GPR107: variants seen among roughly 807,000 people sequenced by gnomAD.
GPR107 encodes the protein protein GPR107.
In GPR107, 31 loss-of-function variants were observed where a neutral mutation model predicts 75.5. That is an observed-to-expected ratio of 0.41 (90% CI 0.31 to 0.55). GPR107 has a LOEUF of 0.55. GPR107 is among the 20% of genes least tolerant of loss of function. GPR107 has a pLI of 0.26. For synonymous variants in GPR107, 267 were observed against 251.3 expected (o/e 1.06, Z -0.59); for missense variants, 572 against 665.7 (o/e 0.86, Z 1.55).
At chr9:130,076,358 A>G (rs975590385) in intron 2 of GPR107, 54 bp from the exon 3 acceptor site, 1 of 1,092,478 alleles carries the variant, frequency 9.2e-7, no homozygotes, top group African/African-American at 1.5e-5. Flanking sequence ...TTGAGTAAGA[A>G]AAGTATGGAC....
intron 1 of GPR107, among the ~76,000 whole-genome samples, chr9:130,067,752 C>CCCCT (rs1554890696): frequency 1.1e-4 from 13 of 116,838 alleles, no homozygotes; most frequent in African/African-American, 4.2e-4. Context: ...CCACCGCCCC[C>CCCCT]TTTTTTTTTT....
intron 17 of GPR107, among the ~76,000 whole-genome samples, chr9:130,132,115 G>A (rs557229799): frequency 6.6e-6 from 1 of 152,206 alleles, no homozygotes; most frequent in South Asian, 2.1e-4. Flanking sequence ...AAATTGCTGG[G>A]CTTAAGCAGT....
chr9:130,137,104 G>A lies in GPR107; in HGVS notation c.*1983G>A, dbSNP rs1387544482. 1.3e-5 allele frequency: 2 copies of A among 152,216 alleles called. No homozygotes were observed. Among genetic ancestry groups the A allele is most frequent in the Admixed American group, 6.5e-5 (1 of 15,276 alleles). The allele number at this position is 152,216 out of a possible 1,614,324, so 9.4% of individuals were successfully genotyped here. ...GTCCTTCCCTCAGAGGGACACATTT[G>A]CTGTTTCTCCCGCAAGCAGATGTTG... On this transcript the variant is annotated 3_prime_UTR_variant, in exon 18 of 18. Transcript: ENST00000347136.
At chr9:130,054,103 C>T (rs1372930550) in intron 1 of GPR107, 30 bp downstream of exon 1, 1 of 1,492,124 alleles carries the variant, frequency 6.7e-7, no homozygotes, top group Non-Finnish European at 8.9e-7. Flanking sequence ...GGCCGGGGGG[C>T]GGAGGCCGAG....
chr9:130,100,422 G>A (rs1206084161), intron 10 of GPR107, among the ~76,000 whole-genome samples: 1 of 152,230 alleles, frequency 6.6e-6, no homozygotes, highest in Non-Finnish European at 1.5e-5. Flanking sequence ...TGCCCGTGGA[G>A]CACACTTGCA....
intron 17 of GPR107, among the ~76,000 whole-genome samples, chr9:130,132,447 C>A (rs1422313797): frequency 1.3e-5 from 2 of 152,198 alleles, no homozygotes; most frequent in African/African-American, 2.4e-5. Flanking sequence ...CACCCTGGTT[C>A]TCTCCCTGCC....
intron 8 of GPR107, among the ~76,000 whole-genome samples, chr9:130,091,986 G>T (rs1319233630): frequency 1.3e-5 from 2 of 151,956 alleles, no homozygotes; most frequent in Non-Finnish European, 2.9e-5. Flanking sequence ...GAGCCACTGT[G>T]CCTGGCCCTA....
At chr9:130,132,634 A>G (rs1455025430) in intron 17 of GPR107, among the ~76,000 whole-genome samples, 7 of 152,030 alleles carry the variant, frequency 4.6e-5, no homozygotes, top group African/African-American at 1.7e-4. Flanking sequence ...CAAAAATACA[A>G]AAGTTAGCTG....
intron 1 of GPR107, among the ~76,000 whole-genome samples, chr9:130,059,730 C>T (rs964599470): frequency 5.7e-5 from 4 of 70,172 alleles, no homozygotes; most frequent in Non-Finnish European, 8.6e-5. Flanking sequence ...TCAGTTAATA[C>T]GTCTTTTTTT....
rs751426228 is a variant in GPR107 at position 130,100,741 on chromosome 9, A to ACAC, written c.1013+41_1013+42insCCA. 1.0e-5 allele frequency: 15 copies of ACAC among 1,450,284 alleles called. No individual in the cohort carries two copies. The South Asian group carries it at 1.7e-4, about 17-fold the overall frequency. 89.8% of individuals were successfully genotyped at this position (1,450,284 alleles called of 1,614,324 possible). A position where few individuals can be genotyped will look rare whatever the true frequency, so the allele number is the denominator to read the frequency against. On this transcript the variant is annotated intron_variant, in intron 11 of 17. Coordinates refer to ENST00000347136, the MANE Select transcript of GPR107 (RefSeq NM_020960.5). Reference sequence around the variant, plus strand: ...TCCATGTGAAATACACCATGAAATGACATACAAGACAAGGGGGGTGGGCAA... The same window carrying ACAC: ...TCCATGTGAAATACACCATGAAATGACACCATACAAGACAAGGGGGGTGGGCAA...
chr9:130,097,230 T>C (rs547917092), intron 9 of GPR107, among the ~76,000 whole-genome samples: 1 of 146,230 alleles, frequency 6.8e-6, no homozygotes, highest in African/African-American at 2.5e-5. Context: ...TCTTGGCTCA[T>C]TGCAACCTCC....
intron 15 of GPR107, 64 bp from the exon 16 acceptor site, chr9:130,127,419 T>C (rs895090616): frequency 8.2e-6 from 7 of 852,260 alleles, no homozygotes; most frequent in Non-Finnish European, 1.4e-5. Context: ...TGAAAGCAAA[T>C]TGTTAAAGTG....
chr9:130,128,244 C>T (rs536797199), intron 16 of GPR107, among the ~76,000 whole-genome samples: 2 of 152,300 alleles, frequency 1.3e-5, no homozygotes, highest in African/African-American at 2.4e-5. Flanking sequence ...CTTCTTTGCC[C>T]ATTTTATTAT....
At chr9:130,121,752 C>A (rs1831553865) in intron 14 of GPR107, among the ~76,000 whole-genome samples, 1 of 152,332 alleles carries the variant, frequency 6.6e-6, no homozygotes, top group African/African-American at 2.4e-5. Flanking sequence ...CATGCTTACC[C>A]CTGTCAGGAC....
At position 130,077,318 on chromosome 9, in the gene GPR107, G is replaced by T; in HGVS notation, c.326G>T (p.Cys109Phe). 1 of 1,548,252 alleles carries T rather than the reference G, an allele frequency of 6.5e-7. No individual in the cohort carries two copies. ...SSYLDEDVNYCILKKQSVSVT... is the reference protein window; with the variant it reads ...SSYLDEDVNYFILKKQSVSVT... ...TCTCAGGATGAAGATGTGAATTACT[G>T]TATTTTAAAGAAACAGTCTGTCTCT... The change falls in exon 4 of 18, where the codon TGT becomes TTT. Residue 109 changes from cysteine to phenylalanine, a missense_variant. Cys to Phe is a radical substitution (Grantham distance 205). Transcript: ENST00000347136.
intron 12 of GPR107, among the ~76,000 whole-genome samples, chr9:130,102,565 G>T (rs972184140): frequency 2.0e-5 from 3 of 152,056 alleles, no homozygotes; most frequent in Admixed American, 1.3e-4. Flanking sequence ...AGTCTGGGAG[G>T]GCCTTAAATG....
chr9:130,115,563 G>A (rs990096162), intron 14 of GPR107, among the ~76,000 whole-genome samples: 4 of 151,928 alleles, frequency 2.6e-5, no homozygotes, highest in South Asian at 4.2e-4. Context: ...CCAGGAGATC[G>A]AGACCATCCT....
chr9:130,061,664 C>G (rs1829929399), intron 1 of GPR107, among the ~76,000 whole-genome samples: 1 of 152,194 alleles, frequency 6.6e-6, no homozygotes, highest in African/African-American at 2.4e-5. Flanking sequence ...CCAGGGCAGG[C>G]CGGGCGTGGT....
Position 130,127,586 on chromosome 9 carries a change from G to T in GPR107, c.1440+20G>T. 7.7e-7 allele frequency: 1 copy of T among 1,297,620 alleles called. No homozygotes were observed. 80.4% of individuals were successfully genotyped at this position (1,297,620 alleles called of 1,614,324 possible). A position where few individuals can be genotyped will look rare whatever the true frequency, so the allele number is the denominator to read the frequency against. The stretch of plus-strand genomic sequence containing the variant: ...TACCAGGTACGCTGCTCACAGGGCA[G>T]AATGCCAGAGAATTTATGCCTGAGG... On this transcript the variant is annotated intron_variant, in intron 16 of 17. Transcript: ENST00000347136.
Sources: allele counts gnomAD v4.1 joint callset (sites outside exome capture counted in the v4.1 genomes callset), GRCh38; gene constraint gnomAD v4.1.1; transcripts MANE v1.5; gene names NCBI Gene and HGNC (gene_info 2026-07-23, HGNC 2026-07-21).